Variants in PEX7 observed in about 807,000 individuals in gnomAD.
PEX7 encodes peroxisomal biogenesis factor 7.
In PEX7, 34 loss-of-function variants were observed where a neutral mutation model predicts 47.5. That is an observed-to-expected ratio of 0.72 (90% CI 0.54 to 0.95). PEX7 has a LOEUF of 0.95. Ranked by LOEUF, PEX7 falls within the 40% of genes least tolerant of loss-of-function variation. The pLI, the probability that PEX7 is intolerant of heterozygous loss-of-function variation, is 0.00. For synonymous variants in PEX7, 141 were observed against 148.8 expected (o/e 0.95, Z 0.38); for missense variants, 394 against 400.3 (o/e 0.98, Z 0.13).
chr6:136,823,407 T>C (rs1309868376), intron 1 of PEX7: 1 of 957,448 alleles, frequency 1.0e-6, no homozygotes. Flanking sequence ...CAGTTAATTG[T>C]CTCCCGTCGC....
intron 7 of PEX7, 106 bp downstream of exon 7, chr6:136,870,109 T>G: frequency 1.4e-6 from 1 of 701,362 alleles, no homozygotes; most frequent in Non-Finnish European, 2.3e-6. Context: ...AGTTACTAAT[T>G]CTTTTTTATA....
intron 3 of PEX7, among the ~76,000 whole-genome samples, chr6:136,832,239 G>A (rs1333503939): frequency 6.6e-6 from 1 of 152,250 alleles, no homozygotes; most frequent in Non-Finnish European, 1.5e-5. Context: ...TTTAGGGCTT[G>A]CACCCTCAGA....
At position 136,849,013 on chromosome 6, in the gene PEX7, T is replaced by C. The variant is rs146564865; in HGVS notation, c.526+2832T>C. Among the ~76,000 whole-genome samples the C allele has an allele frequency of 3.6e-3, 543 of 152,292 alleles. 1 individual carries two copies. Among genetic ancestry groups the C allele is most frequent in the African/African-American group, 0.012 (511 of 41,566 alleles). ...TTCTTGGTTGGTAGGCTATTAATTA[T>C]TGCCTCAATTTCAGAGCCTGTTATT... is the stretch of plus-strand genomic sequence containing the variant. On this transcript the variant is annotated intron_variant, in intron 5 of 9. Coordinates refer to ENST00000318471, the MANE Select transcript of PEX7 (RefSeq NM_000288.4).
At position 136,913,523 on chromosome 6, in the gene PEX7, T is replaced by A. The variant is rs780265414; in HGVS notation, c.969T>A (p.Ala323=). The A allele has an allele frequency of 6.2e-7, 1 of 1,603,556 alleles. No homozygotes were observed. The highest frequency in any genetic ancestry group is 8.5e-7 in the Non-Finnish European group (1 of 1,170,748). ...ACCCTGCTTGTCTTACTATTCCTGC[T>A]TGAGATACACTACTTTGGTCAGAAA... ...IYDPACLTIP[A] The change falls in exon 10 of 10, where the codon GCT becomes GCA. Residue 323 remains alanine, a synonymous_variant. Transcript: ENST00000318471.
chr6:136,826,247 G>GT, intron 2 of PEX7, 72 bp from the exon 3 acceptor site: 4 of 1,505,828 alleles, frequency 2.7e-6, no homozygotes, highest in Non-Finnish European at 3.7e-6. Flanking sequence ...AACCATAATT[G>GT]TTATTTTTTT....
intron 8 of PEX7, among the ~76,000 whole-genome samples, chr6:136,876,913 C>T (rs1479847653): frequency 6.6e-6 from 1 of 152,216 alleles, no homozygotes; most frequent in Admixed American, 6.5e-5. Flanking sequence ...GGAATCACCA[C>T]ACTGTCTTCC....
chr6:136,844,097 G>C (rs1582743675), intron 3 of PEX7, among the ~76,000 whole-genome samples: 3 of 152,234 alleles, frequency 2.0e-5, no homozygotes, highest in African/African-American at 4.8e-5. Flanking sequence ...GGGCACGGTG[G>C]CTCATGCCTG....
chr6:136,913,201 A>G (rs376047897), intron 9 of PEX7, among the ~76,000 whole-genome samples: 1 of 152,236 alleles, frequency 6.6e-6, no homozygotes, highest in East Asian at 1.9e-4. Context: ...GGACATTCTT[A>G]TAGGAAACCT....
intron 7 of PEX7, chr6:136,870,759 C>A: frequency 2.5e-6 from 1 of 407,802 alleles, no homozygotes; most frequent in Non-Finnish European, 4.9e-6. Flanking sequence ...CACCCAGACA[C>A]GATCTCAGCT....
At chr6:136,872,582 G>A (rs1461016398) in intron 8 of PEX7, among the ~76,000 whole-genome samples, 5 of 152,092 alleles carry the variant, frequency 3.3e-5, no homozygotes, top group Admixed American at 3.3e-4. Flanking sequence ...TTTGGAAATT[G>A]CATTTCTTCA....
chr6:136,890,825 G>A (rs896916202), intron 8 of PEX7, among the ~76,000 whole-genome samples: 2 of 152,142 alleles, frequency 1.3e-5, no homozygotes, highest in South Asian at 4.1e-4. Flanking sequence ...ACCCCATGTG[G>A]TCACATTATC....
intron 2 of PEX7, 111 bp downstream of exon 2, chr6:136,825,382 G>C: frequency 6.6e-6 from 6 of 903,720 alleles, no homozygotes; most frequent in Non-Finnish European, 1.1e-5. Flanking sequence ...AAGGAACCTT[G>C]GCGTTTGCAT....
In PEX7 at chr6:136,844,795, C is replaced by T. The variant is rs147136288; in HGVS notation, c.340-820C>T. Among the ~76,000 whole-genome samples the T allele has an allele frequency of 2.6e-3, 400 of 152,082 alleles. 1 individual carries two copies. Among genetic ancestry groups the T allele is most frequent in the African/African-American group, 9.2e-3 (381 of 41,480 alleles). On this transcript the variant is annotated intron_variant, in intron 3 of 9. Transcript: ENST00000318471. ...GCCTCCAACATGGCTCAATATAGTACTGGGCAGCAGAGAGAAAGTAACCCA... is the reference window on the plus strand; with the variant it reads ...GCCTCCAACATGGCTCAATATAGTATTGGGCAGCAGAGAGAAAGTAACCCA...
chr6:136,846,422 C>T (rs1303818190), intron 5 of PEX7, among the ~76,000 whole-genome samples: 1 of 151,846 alleles, frequency 6.6e-6, no homozygotes, highest in Non-Finnish European at 1.5e-5. Context: ...TGCATGTGTG[C>T]CATGTTGGTG....
intron 8 of PEX7, among the ~76,000 whole-genome samples, chr6:136,886,334 T>C (rs1253507077): frequency 6.6e-6 from 1 of 152,204 alleles, no homozygotes; most frequent in Non-Finnish European, 1.5e-5. Context: ...GAGTGAGTCA[T>C]ACTTGAAGTG....
At chr6:136,871,561 T>G (rs1163220111) in intron 7 of PEX7, among the ~76,000 whole-genome samples, 1 of 152,228 alleles carries the variant, frequency 6.6e-6, no homozygotes, top group Non-Finnish European at 1.5e-5. Flanking sequence ...TTACTTTGTT[T>G]GCTTTTGCTT....
At chr6:136,886,879 C>T (rs1453719237) in intron 8 of PEX7, among the ~76,000 whole-genome samples, 1 of 151,886 alleles carries the variant, frequency 6.6e-6, no homozygotes, top group East Asian at 1.9e-4. Flanking sequence ...ATGGTGAGAC[C>T]GCACCTCTAC....
chr6:136,856,743 A>T (rs544527039), intron 5 of PEX7, among the ~76,000 whole-genome samples: 2 of 152,174 alleles, frequency 1.3e-5, no homozygotes, highest in Non-Finnish European at 2.9e-5. Flanking sequence ...GAAAGAGTGA[A>T]TCCAGATTAG....
intron 8 of PEX7, among the ~76,000 whole-genome samples, chr6:136,889,909 T>C (rs1257027677): frequency 6.6e-6 from 1 of 152,242 alleles, no homozygotes; most frequent in Non-Finnish European, 1.5e-5. Flanking sequence ...TGTGCAATTA[T>C]AGTTTTTAAG....
Sources: gnomAD v4.1 joint callset for allele counts (sites outside exome capture counted in the v4.1 genomes callset) on GRCh38, gnomAD v4.1.1 for gene constraint, MANE v1.5 for transcripts, NCBI Gene and HGNC (gene_info 2026-07-23, HGNC 2026-07-21) for gene names.